XPNPEP1: variants seen among roughly 807,000 people sequenced by gnomAD.
The protein encoded by XPNPEP1 is X-prolyl aminopeptidase 1, also known as xaa-Pro aminopeptidase 1.
In XPNPEP1, 39 loss-of-function variants were observed where a neutral mutation model predicts 92.4. The observed-to-expected ratio is 0.42, with a 90% CI of 0.33 to 0.55. The LOEUF (loss-of-function observed/expected upper bound fraction) is 0.55, where lower values mean the gene tolerates loss of function less well. XPNPEP1 is among the 20% of genes least tolerant of loss of function. The pLI is 0.08. For synonymous variants in XPNPEP1, 307 were observed against 299.4 expected, an observed-to-expected ratio of 1.03 and a Z score of -0.26; for missense variants, 654 against 856.1, an observed-to-expected ratio of 0.76 and a Z score of 2.95.
At chr10:109,899,006 G>T (rs1849132324) in intron 3 of XPNPEP1, among the ~76,000 whole-genome samples, 1 of 152,174 alleles carries the variant, frequency 6.6e-6, no homozygotes, top group African/African-American at 2.4e-5. Flanking sequence ...AGGTTCTCAA[G>T]AAAATTGAAA....
chr10:109,913,633 T>C (rs1227167026), intron 2 of XPNPEP1, among the ~76,000 whole-genome samples: 1 of 152,226 alleles, frequency 6.6e-6, no homozygotes, highest in African/African-American at 2.4e-5. Context: ...TTGCCCAAAG[T>C]CAGCTGGTTC....
chr10:109,864,794 CATAA>C lies in XPNPEP1; in HGVS notation c.*386_*389del. 5.0e-6 allele frequency: 1 copy of C among 198,152 alleles called. No individual in the cohort carries two copies. The allele number at this position is 198,152 out of a possible 1,614,324, so 12.3% of individuals were successfully genotyped here. On this transcript the variant is annotated 3_prime_UTR_variant, in exon 21 of 21. Transcript: ENST00000502935. Reference sequence around the variant, plus strand: ...AGTTCTGACATTTTTATTCACTGATCATAAATATAGTCTCATGAGCATTAAGGTG... The same window carrying C: ...AGTTCTGACATTTTTATTCACTGATCATATAGTCTCATGAGCATTAAGGTG...
Position 109,898,197 on chromosome 10 carries a change from G to A in XPNPEP1, c.247-5122C>T, listed in dbSNP as rs1242534873. 3.3e-5 allele frequency among the ~76,000 whole-genome samples: 5 copies of A among 152,148 alleles called. No individual in the cohort carries two copies. The South Asian group carries it at 1.0e-3, about 32-fold the overall frequency. ...CACTTACTAGCTGGGTGAACCTGGG[G>A]CTCAACTTCCTCATCTGTAAAATGG... On this transcript the variant is annotated intron_variant, in intron 3 of 20. Transcript: ENST00000502935.
intron 12 of XPNPEP1, 124 bp from the exon 13 acceptor site, chr10:109,878,182 C>T: frequency 1.0e-6 from 1 of 997,248 alleles, no homozygotes; most frequent in Non-Finnish European, 1.5e-6. Context: ...GACCAATCTA[C>T]AGGACACATC....
chr10:109,919,710 T>C (rs910762519), intron 1 of XPNPEP1, among the ~76,000 whole-genome samples: 3 of 152,206 alleles, frequency 2.0e-5, no homozygotes, highest in South Asian at 2.1e-4. Flanking sequence ...TAAAAGTGTC[T>C]ATCCATATAA....
At chr10:109,887,167 C>T (rs1397121023) in intron 7 of XPNPEP1, among the ~76,000 whole-genome samples, 1 of 113,272 alleles carries the variant, frequency 8.8e-6, no homozygotes, top group Non-Finnish European at 2.0e-5. Flanking sequence ...ATTTGCTCTC[C>T]CCTCTCCTAT....
intron 1 of XPNPEP1, chr10:109,923,169 C>G: frequency 1.0e-6 from 1 of 985,314 alleles, no homozygotes; most frequent in Non-Finnish European, 1.2e-6. Flanking sequence ...AGGAACCAGA[C>G]TCGGGCCGCC....
intron 10 of XPNPEP1, among the ~76,000 whole-genome samples, chr10:109,881,680 G>C (rs1275189848): frequency 6.6e-6 from 1 of 152,176 alleles, no homozygotes; most frequent in Non-Finnish European, 1.5e-5. Context: ...GGAGAAGAAA[G>C]GACATCACTG....
intron 3 of XPNPEP1, among the ~76,000 whole-genome samples, chr10:109,899,321 G>T (rs72828205): frequency 1.3e-5 from 2 of 152,070 alleles, no homozygotes; most frequent in Non-Finnish European, 2.9e-5. Context: ...TACCTGGGTC[G>T]GGGCTCTAAC....
chr10:109,904,775 G>A (rs1849465967), intron 3 of XPNPEP1, among the ~76,000 whole-genome samples: 1 of 152,204 alleles, frequency 6.6e-6, no homozygotes, highest in Admixed American at 6.5e-5. Flanking sequence ...TGTTGGTGAG[G>A]AAGTGGAAGA....
At chr10:109,921,614 G>A (rs531435872) in intron 1 of XPNPEP1, among the ~76,000 whole-genome samples, 1 of 152,184 alleles carries the variant, frequency 6.6e-6, no homozygotes, top group African/African-American at 2.4e-5. Flanking sequence ...ATGAGACAAG[G>A]GTAAACTGGA....
intron 1 of XPNPEP1, among the ~76,000 whole-genome samples, chr10:109,917,497 G>C (rs895665133): frequency 6.6e-6 from 1 of 152,152 alleles, no homozygotes; most frequent in African/African-American, 2.4e-5. Flanking sequence ...ATAAACAAAA[G>C]CTATTCCATG....
In XPNPEP1 at chr10:109,888,581, G is replaced by A; in HGVS notation, c.430C>T (p.Pro144Ser). ...CTCACCAGCCAGTCTTCCTGAGTTG[G>A]TGTGTCCTTCAGACCTACAGGGGGA... The part of the protein sequence containing the change: ...TLMKMGLKDT[P>S]TQEDWLVSVL... The change falls in exon 6 of 21, where the codon CCA becomes TCA. Residue 144 changes from proline (P) to serine (S), a missense_variant. By Grantham distance (74) the Pro-to-Ser change is moderately conservative. Coordinates refer to ENST00000502935, the MANE Select transcript of XPNPEP1 (RefSeq NM_020383.4). 6.2e-7 allele frequency: 1 copy of A among 1,607,906 alleles called. No homozygotes were observed. The highest frequency in any genetic ancestry group is 8.5e-7 in the Non-Finnish European group (1 of 1,176,358).
At chr10:109,911,847 A>G (rs1849893316) in intron 2 of XPNPEP1, among the ~76,000 whole-genome samples, 1 of 152,194 alleles carries the variant, frequency 6.6e-6, no homozygotes, top group South Asian at 2.1e-4. Context: ...TCTGCCTTCC[A>G]TTCAGGTACA....
intron 3 of XPNPEP1, among the ~76,000 whole-genome samples, chr10:109,903,959 C>T (rs541574805): frequency 1.3e-5 from 2 of 151,712 alleles, no homozygotes; most frequent in East Asian, 3.9e-4. Context: ...ATTCTCCCAC[C>T]ACAGCCTCCC....
chr10:109,922,252 A>G (rs1029544905), intron 1 of XPNPEP1, among the ~76,000 whole-genome samples: 1 of 152,112 alleles, frequency 6.6e-6, no homozygotes, highest in Non-Finnish European at 1.5e-5. Flanking sequence ...AAAAGACTCT[A>G]CCAGCTGGTG....
In XPNPEP1 at chr10:109,871,948, C is replaced by G. The variant is rs979299356; in HGVS notation, c.1453-87G>C. The G allele has an allele frequency of 3.7e-6, 5 of 1,359,244 alleles. No individual in the cohort carries two copies. In the African/African-American group the frequency reaches 4.4e-5, roughly 12 times the overall value. The allele number at this position is 1,359,244 out of a possible 1,614,324, so 84.2% of individuals were successfully genotyped here. ...CTGGTAGTTCAGAAAATCCTGCCTG[C>G]TAAAGTTTTTAGCAATATCATAGAG... On this transcript the variant is annotated intron_variant, in intron 16 of 20. Transcript: ENST00000502935.
chr10:109,887,594 G>T (rs934242086), intron 7 of XPNPEP1, among the ~76,000 whole-genome samples: 1 of 151,968 alleles, frequency 6.6e-6, no homozygotes, highest in Non-Finnish European at 1.5e-5. Context: ...CATCACTATC[G>T]CACAGGCCAA....
At chr10:109,913,409 A>G (rs905903790) in intron 2 of XPNPEP1, among the ~76,000 whole-genome samples, 6 of 152,212 alleles carry the variant, frequency 3.9e-5, no homozygotes, top group Admixed American at 2.0e-4. Flanking sequence ...GGAAGGGGCC[A>G]GTTTACTCCA....
Sources: gnomAD v4.1 joint callset for allele counts (sites outside exome capture counted in the v4.1 genomes callset) on GRCh38, gnomAD v4.1.1 for gene constraint, MANE v1.5 for transcripts, NCBI Gene and HGNC (gene_info 2026-07-23, HGNC 2026-07-21) for gene names.